The following EP400 variants were observed in gnomAD, a reference collection of about 807,000 sequenced individuals.
The protein encoded by EP400 is E1A binding protein p400, also known as E1A-binding protein p400.
A neutral mutation model predicts 354.1 loss-of-function variants in EP400; 105 were observed. The observed-to-expected ratio is 0.30, with a 90% CI of 0.25 to 0.35. The LOEUF (loss-of-function observed/expected upper bound fraction) is 0.35, where lower values mean the gene tolerates loss of function less well. Ranked by LOEUF, EP400 falls within the 10% of genes least tolerant of loss-of-function variation. The pLI is 1.00. For missense variants in EP400, 3,280 were observed against 4,121.0 expected (o/e 0.80, Z 5.59); for synonymous variants, 1,646 against 1,716.9 (o/e 0.96, Z 1.02).
At chr12:132,047,148 T>C (rs1895127554) in intron 39 of EP400, among the ~76,000 whole-genome samples, 1 of 152,256 alleles carries the variant, frequency 6.6e-6, no homozygotes, top group African/African-American at 2.4e-5. Flanking sequence ...CTTTTCATTT[T>C]TCTAAAAACA....
chr12:132,074,145 G>A (rs1401652487), intron 51 of EP400, among the ~76,000 whole-genome samples: 3 of 151,182 alleles, frequency 2.0e-5, no homozygotes, highest in African/African-American at 7.4e-5. Context: ...GACTGGTCTC[G>A]AACACCTGAC....
chr12:131,960,906 T>C lies in EP400; in HGVS notation c.287T>C (p.Leu96Pro), dbSNP rs1891858814. 1 of 1,613,814 alleles carries C rather than the reference T, an allele frequency of 6.2e-7. No homozygotes were observed. The highest frequency in any genetic ancestry group is 1.3e-5 in the African/African-American group (1 of 74,986). ...NQQITLAPLP[L>P]PSPTSPGFQF... ...CAGATCACACTGGCCCCACTGCCGC[T>C]CCCCAGCCCCACCTCTCCAGGCTTC... Residue 96 changes from leucine to proline, a missense_variant, in exon 2 of 53, where the codon CTC becomes CCC. Coordinates refer to ENST00000389561, the MANE Select transcript of EP400 (RefSeq NM_015409.5).
In EP400 at chr12:131,990,060, T is replaced by G; in HGVS notation, c.2506T>G (p.Ser836Ala). 1 of 1,612,934 alleles carries G rather than the reference T, an allele frequency of 6.2e-7. No homozygotes were observed. The highest frequency in any genetic ancestry group is 8.5e-7 in the Non-Finnish European group (1 of 1,179,714). Residue 836 changes from serine to alanine, a missense_variant, in exon 8 of 53, where the codon TCC becomes GCC. Ser to Ala is a moderately conservative substitution (Grantham distance 99). This residue lies in a region of EP400 where 800 missense variants were observed against 840.0 expected (regional missense o/e 0.95). Transcript: ENST00000389561. The surrounding 1 kb of genome is among the most constrained non-coding windows in gnomAD (Gnocchi z 4.2). Reference sequence around the variant, plus strand: ...GAGCAGACTGAGGCGGATAGCCGCCTCCACGGCCCGGGAGATAGAGTGCTT... The same window carrying G: ...GAGCAGACTGAGGCGGATAGCCGCCGCCACGGCCCGGGAGATAGAGTGCTT... The part of the protein sequence containing the change: ...EQSRLRRIAA[S>A]TAREIECFWS...
intron 12 of EP400, among the ~76,000 whole-genome samples, chr12:132,001,689 C>T (rs979092697): frequency 1.1e-4 from 17 of 152,202 alleles, no homozygotes; most frequent in Non-Finnish European, 1.9e-4. Context: ...TTCCCAGATC[C>T]TGGCGTTACC....
intron 7 of EP400, among the ~76,000 whole-genome samples, chr12:131,988,170 C>T (rs1200532716): frequency 6.6e-6 from 1 of 151,878 alleles, no homozygotes; most frequent in Non-Finnish European, 1.5e-5. Flanking sequence ...CTGTGCCTGG[C>T]AGACTCACTC....
At position 131,973,826 on chromosome 12, in the gene EP400, A is replaced by T. The variant is rs141278985; in HGVS notation, c.1336-5868A>T. ...GTGTTGAGTGCAGCTATAGTATAAAAAATACTACTAATATTATTATGGTTA... is the reference window on the plus strand; with the variant it reads ...GTGTTGAGTGCAGCTATAGTATAAATAATACTACTAATATTATTATGGTTA... On this transcript the variant is annotated intron_variant, in intron 2 of 52. Transcript: ENST00000389561. Among the ~76,000 whole-genome samples, 242 of 152,262 alleles carry T rather than the reference A, an allele frequency of 1.6e-3. 2 individuals are homozygous for T. Among genetic ancestry groups the T allele is most frequent in the Middle Eastern group, 6.8e-3 (2 of 294 alleles).
chr12:132,046,027 G>A, intron 39 of EP400, 127 bp downstream of exon 39: 1 of 1,233,740 alleles, frequency 8.1e-7, no homozygotes, highest in Non-Finnish European at 1.1e-6. Flanking sequence ...CTGCGGTGAA[G>A]TCCATCTCCT....
chr12:131,982,166 C>T lies in EP400; in HGVS notation c.1617C>T (p.Ser539=). 6.2e-7 allele frequency: 1 copy of T among 1,607,562 alleles called. No individual in the cohort carries two copies. The highest frequency in any genetic ancestry group is 2.2e-5 in the East Asian group (1 of 44,676). Residue 539 remains serine (S), a synonymous_variant, in exon 5 of 53, where the codon TCC becomes TCT. Coordinates refer to ENST00000389561, the MANE Select transcript of EP400 (RefSeq NM_015409.5). ...AGAGTCAGCAGCAGTATGACCCCTC[C>T]ACGGGGCCTCCCGTGCAGAACGCTG... ...QRQSQQQYDP[S]TGPPVQNAAS... is the part of the protein sequence containing the mutation.
At chr12:131,950,340 G>A (rs1260496367) in intron 1 of EP400, among the ~76,000 whole-genome samples, 2 of 152,126 alleles carry the variant, frequency 1.3e-5, no homozygotes, top group Admixed American at 6.5e-5. Flanking sequence ...AGGGCAGCTC[G>A]GCGCGGCGGC....
At chr12:132,044,046 T>C in intron 34 of EP400, 131 bp from the exon 35 acceptor site, 1 of 1,277,868 alleles carries the variant, frequency 7.8e-7, no homozygotes, top group East Asian at 2.3e-5. Flanking sequence ...CTTGTGGGGG[T>C]GATGCATTGT....
In EP400 at chr12:132,064,817, G is replaced by A. The variant is rs56003133; in HGVS notation, c.8484G>A (p.Thr2828=). 3.5e-3 allele frequency: 5,669 copies of A among 1,612,582 alleles called. 11 individuals are homozygous for A. Among genetic ancestry groups the A allele is most frequent in the Non-Finnish European group, 4.2e-3 (4,938 of 1,179,786 alleles). ...PPQQQSPQLT[T]VTAPRPGALL... ...AGCAGCAGAGCCCCCAGCTCACGAC[G>A]GTCACGGCCCCAAGGCCTGGTGCCC... The change falls in exon 48 of 53, where the codon ACG becomes ACA. Residue 2828 remains threonine, a synonymous_variant. Coordinates refer to ENST00000389561, the MANE Select transcript of EP400 (RefSeq NM_015409.5).
chr12:132,058,917 G>C (rs1895603085), intron 45 of EP400, among the ~76,000 whole-genome samples: 1 of 151,892 alleles, frequency 6.6e-6, no homozygotes, highest in South Asian at 2.1e-4. Context: ...TTCCTGAATA[G>C]TTGGGATGCG....
intron 30 of EP400, among the ~76,000 whole-genome samples, chr12:132,035,722 G>T (rs1301480277): frequency 6.7e-6 from 1 of 149,124 alleles, no homozygotes; most frequent in Non-Finnish European, 1.5e-5. Flanking sequence ...ATGGAACGCT[G>T]TGGAAGCGCA....
chr12:132,023,824 C>T lies in EP400; in HGVS notation c.4738C>T (p.Gln1580Ter). 1 of 1,613,984 alleles carries T rather than the reference C, an allele frequency of 6.2e-7. No homozygotes were observed. The highest frequency in any genetic ancestry group is 8.5e-7 in the Non-Finnish European group (1 of 1,179,974). Residue 1580 changes from glutamine to a stop codon, truncating the protein, a stop_gained, in exon 24 of 53, where the codon CAG (glutamine) becomes TAG (stop). Coordinates refer to ENST00000389561, the MANE Select transcript of EP400 (RefSeq NM_015409.5). LOFTEE classifies it high-confidence loss of function. ...IAQLASITGPQSRVAQPETPV... is the reference protein window; with the variant it reads ...IAQLASITGP ...TCAGCTGGCATCCATCACAGGACCA[C>T]AGAGCCGCGTGGCTCAGCCAGAGAC...
In EP400 at chr12:132,062,628, A is replaced by C. The variant is rs755803242; in HGVS notation, c.8261A>C (p.Gln2754Pro). Residue 2754 changes from glutamine (Q) to proline (P), a missense_variant, in exon 47 of 53, where the codon CAG (glutamine) becomes CCG (proline). Physicochemically the swap from Gln to Pro is moderately conservative, Grantham distance 76. Coordinates refer to ENST00000389561, the MANE Select transcript of EP400 (RefSeq NM_015409.5). Reference sequence around the variant, plus strand: ...CAGCAACAGACGACGACGACCTCTCAGGTGCAAGTTCCACAGATCCAGGGC... The same window carrying C: ...CAGCAACAGACGACGACGACCTCTCCGGTGCAAGTTCCACAGATCCAGGGC... The part of the protein sequence containing the change: ...QQQQQTTTTS[Q>P]VQVPQIQGQA... The C allele has an allele frequency of 3.1e-6, 5 of 1,614,098 alleles. No individual in the cohort carries two copies. In the South Asian group the frequency reaches 5.5e-5, roughly 18 times the overall value.
intron 1 of EP400, among the ~76,000 whole-genome samples, chr12:131,952,321 A>G (rs919590284): frequency 1.4e-4 from 21 of 150,394 alleles, no homozygotes; most frequent in Middle Eastern, 3.4e-3. Context: ...AAAAAAAAAA[A>G]AAAAGAAAAA....
intron 5 of EP400, among the ~76,000 whole-genome samples, chr12:131,982,855 A>G (rs1399643450): frequency 6.6e-6 from 1 of 152,016 alleles, no homozygotes; most frequent in Non-Finnish European, 1.5e-5. Context: ...CTGTAGTCCA[A>G]GCTACTTCAA....
Position 132,064,648 on chromosome 12 carries a change from A to G in EP400, c.8335-20A>G. The G allele has an allele frequency of 1.2e-6, 2 of 1,607,400 alleles. No homozygotes were observed. Among genetic ancestry groups the G allele is most frequent in the South Asian group, 2.2e-5 (2 of 90,898 alleles). On this transcript the variant is annotated intron_variant, in intron 47 of 52. Coordinates refer to ENST00000389561, the MANE Select transcript of EP400 (RefSeq NM_015409.5). ...GAGCACAGTTAATGTTGAAGAGAAG[A>G]TACTTTGCTTGTATTTTAGGAACAC...
In EP400 at chr12:132,062,113, C is replaced by A; in HGVS notation, c.7888C>A (p.Pro2630Thr). 6.2e-7 allele frequency: 1 copy of A among 1,612,204 alleles called. No homozygotes were observed. Among genetic ancestry groups the A allele is most frequent in the Non-Finnish European group, 8.5e-7 (1 of 1,179,596 alleles). The change falls in exon 46 of 53, where the codon CCG (proline) becomes ACG (threonine). Residue 2630 changes from proline to threonine, a missense_variant. Around this residue, in one of 20 missense-constraint regions of EP400, gnomAD observed 255 missense variants for 295.9 expected, o/e 0.86. Coordinates refer to ENST00000389561, the MANE Select transcript of EP400 (RefSeq NM_015409.5). ...SPVAPGALTT[P>T]GGSAPAQVVH... ...GTCCTCTGTTTGCCTTTTCTAGACGCCGGGAGGCTCTGCTCCCGCCCAGGT... is the reference window on the plus strand; with the variant it reads ...GTCCTCTGTTTGCCTTTTCTAGACGACGGGAGGCTCTGCTCCCGCCCAGGT...
Sources: gnomAD v4.1 joint callset for allele counts (sites outside exome capture counted in the v4.1 genomes callset) on GRCh38, gnomAD v4.1.1 for gene constraint, gnomAD v4.1.1 regional missense constraint, Gnocchi (gnomAD v3.1) non-coding constraint, MANE v1.5 for transcripts, NCBI Gene and HGNC (gene_info 2026-07-23, HGNC 2026-07-21) for gene names.